UGT1A10: variants seen among roughly 807,000 people sequenced by gnomAD.
UGT1A10 encodes the protein UDP glucuronosyltransferase family 1 member A10.
UGT1A10 carries 49 observed loss-of-function variants against 45.8 expected under a neutral mutation model. The observed-to-expected ratio is 1.07, with a 90% CI of 0.85 to 1.36. The LOEUF is 1.36. Among genes scored for constraint, UGT1A10 ranks in the 40% most tolerant of loss-of-function variants. The probability of loss-of-function intolerance (pLI) is 0.00; values close to 1 mark genes in which losing one functional copy is unlikely to be tolerated. For synonymous variants in UGT1A10, 284 were observed against 249.7 expected, an observed-to-expected ratio of 1.14 and a Z score of -1.29; for missense variants, 745 against 668.6, an observed-to-expected ratio of 1.11 and a Z score of -1.26.
At chr2:233,675,955 G>A (rs530815102) in intron 1 of UGT1A10, among the ~76,000 whole-genome samples, 1 of 151,956 alleles carries the variant, frequency 6.6e-6, no homozygotes, top group South Asian at 2.1e-4. Flanking sequence ...AAATTTCCCC[G>A]GATTGTCTCA....
chr2:233,734,624 C>A (rs1319602311), intron 1 of UGT1A10, among the ~76,000 whole-genome samples: 1 of 152,146 alleles, frequency 6.6e-6, no homozygotes, highest in Non-Finnish European at 1.5e-5. Flanking sequence ...GATTTTAGAT[C>A]TTTCCTGCTT....
intron 1 of UGT1A10, among the ~76,000 whole-genome samples, chr2:233,705,148 AAGAGAG>A (rs939982250): frequency 6.6e-6 from 1 of 150,886 alleles, no homozygotes; most frequent in Non-Finnish European, 1.5e-5. Flanking sequence ...AAAAAAAAAA[AAGAGAG>A]AGAGAGAGAG....
chr2:233,767,725 G>T (rs930138004), intron 2 of UGT1A10, 124 bp from the exon 3 acceptor site: 2 of 1,552,620 alleles, frequency 1.3e-6, no homozygotes, highest in South Asian at 1.2e-5. Flanking sequence ...CACAGTTACT[G>T]ATCCTCCCAC....
At chr2:233,660,234 C>T (rs2073937443) in intron 1 of UGT1A10, among the ~76,000 whole-genome samples, 1 of 152,164 alleles carries the variant, frequency 6.6e-6, no homozygotes, top group African/African-American at 2.4e-5. Flanking sequence ...TCATGATGTT[C>T]GCCCCGCTGA....
At chr2:233,717,415 G>A (rs565971108) in intron 1 of UGT1A10, among the ~76,000 whole-genome samples, 4 of 152,300 alleles carry the variant, frequency 2.6e-5, no homozygotes, top group African/African-American at 9.6e-5. Flanking sequence ...TGCCTCCCTT[G>A]AGCTGGGTGT....
Position 233,747,153 on chromosome 2 carries a change from A to G in UGT1A10, c.856-19881A>G, listed in dbSNP as rs1559391866. The G allele has an allele frequency of 3.2e-6, 5 of 1,578,556 alleles. No individual in the cohort carries two copies. The East Asian group carries it at 9.0e-5, about 28-fold the overall frequency. On this transcript the variant is annotated intron_variant, in intron 1 of 4. Transcript: ENST00000344644. Reference sequence around the variant, plus strand: ...CAGTGACAAGGTAATTAAGATGAAGAAAACAAATGTAGGAGGCACAGCGTG... The same window carrying G: ...CAGTGACAAGGTAATTAAGATGAAGGAAACAAATGTAGGAGGCACAGCGTG...
At chr2:233,705,266 T>G (rs778471512) in intron 1 of UGT1A10, among the ~76,000 whole-genome samples, 1 of 152,250 alleles carries the variant, frequency 6.6e-6, no homozygotes, top group African/African-American at 2.4e-5. Flanking sequence ...ATGGGGTCAC[T>G]TGCTTTCAAC....
chr2:233,719,021 G>A (rs751307422), intron 1 of UGT1A10: 3 of 1,614,262 alleles, frequency 1.9e-6, no homozygotes, highest in Non-Finnish European at 2.5e-6. Context: ...AGGTGAATAT[G>A]CACATCAAAG....
intron 1 of UGT1A10, chr2:233,693,238 T>G (rs1048987218): frequency 6.2e-7 from 1 of 1,614,024 alleles, no homozygotes; most frequent in African/African-American, 1.3e-5. Context: ...GAAAAATCTA[T>G]CCAGTGCCGT....
At chr2:233,690,753 G>GCA in intron 1 of UGT1A10, 1 of 1,161,250 alleles carries the variant, frequency 8.6e-7, no homozygotes, top group South Asian at 1.6e-5. Context: ...AGTGTCCAGT[G>GCA]CAGACATACA....
chr2:233,711,236 A>G (rs1269842437), intron 1 of UGT1A10, among the ~76,000 whole-genome samples: 2 of 152,194 alleles, frequency 1.3e-5, no homozygotes, highest in Non-Finnish European at 2.9e-5. Flanking sequence ...TGAAGGCACC[A>G]CCATCTTCCA....
intron 1 of UGT1A10, among the ~76,000 whole-genome samples, chr2:233,710,453 C>T (rs1180857198): frequency 6.6e-6 from 1 of 152,190 alleles, no homozygotes; most frequent in African/African-American, 2.4e-5. Flanking sequence ...ACATTTTAGC[C>T]ATCCTAATGG....
intron 1 of UGT1A10, among the ~76,000 whole-genome samples, chr2:233,735,842 C>G (rs2078702180): frequency 6.6e-6 from 1 of 152,078 alleles, no homozygotes; most frequent in Non-Finnish European, 1.5e-5. Flanking sequence ...TTGGCCCCCA[C>G]TCTCTTCTGT....
At chr2:233,755,025 G>C (rs766586741) in intron 1 of UGT1A10, 29 of 1,306,918 alleles carry the variant, frequency 2.2e-5, no homozygotes, top group Admixed American at 7.6e-5. Context: ...GTCCTTGAAG[G>C]GCCTGCCGCC....
rs17868329 is a variant in UGT1A10, at chr2:233,698,474, A to G, written c.855+61097A>G. ...CATAGAAAATGAAGCCCTGATTTAT[A>G]GCTTAAAAATGCAGTCCTCATTAGG... On this transcript the variant is annotated intron_variant, in intron 1 of 4. Coordinates refer to ENST00000344644, the MANE Select transcript of UGT1A10 (RefSeq NM_019075.4). 6.7e-3 allele frequency among the ~76,000 whole-genome samples: 1,014 copies of G among 152,374 alleles called. 5 individuals are homozygous for G. The highest frequency in any genetic ancestry group is 0.012 in the Non-Finnish European group (789 of 68,030).
At chr2:233,658,163 T>G (rs1046799978) in intron 1 of UGT1A10, among the ~76,000 whole-genome samples, 34 of 151,796 alleles carry the variant, frequency 2.2e-4, no homozygotes, top group African/African-American at 8.0e-4. Flanking sequence ...GGATTACAGG[T>G]GCACACCACC....
chr2:233,690,031 G>T (rs749154474), intron 1 of UGT1A10: 7 of 427,522 alleles, frequency 1.6e-5, no homozygotes, highest in Non-Finnish European at 2.8e-5. Context: ...CTCAAGATCT[G>T]GGCCCAGAGC....
At chr2:233,657,458 A>G (rs2073880315) in intron 1 of UGT1A10, among the ~76,000 whole-genome samples, 1 of 152,222 alleles carries the variant, frequency 6.6e-6, no homozygotes, top group Non-Finnish European at 1.5e-5. Context: ...AGCAAGAGAA[A>G]AAGGAGGGGT....
intron 1 of UGT1A10, among the ~76,000 whole-genome samples, chr2:233,665,371 G>T (rs56143032): frequency 0.04 from 6,091 of 151,974 alleles, 145 homozygotes; most frequent in Non-Finnish European, 0.058. Context: ...TTCCATATTC[G>T]TAGCCTCTGA....
Sources: allele counts gnomAD v4.1 joint callset (sites outside exome capture counted in the v4.1 genomes callset), GRCh38; gene constraint gnomAD v4.1.1; transcripts MANE v1.5; gene names NCBI Gene and HGNC (gene_info 2026-07-23, HGNC 2026-07-21).